Variants in PPFIA2 observed in about 807,000 individuals in gnomAD.
PPFIA2 encodes the protein PPFI scaffold protein A2.
PPFIA2 carries 46 observed loss-of-function variants against 175.5 expected under a neutral mutation model. That is an observed-to-expected ratio of 0.26 (90% CI 0.21 to 0.34). The LOEUF (loss-of-function observed/expected upper bound fraction) is 0.34, where lower values mean the gene tolerates loss of function less well. PPFIA2 is among the 10% of genes least tolerant of loss of function. The pLI is 1.00. For missense variants in PPFIA2, 1,179 were observed against 1,506.1 expected, an observed-to-expected ratio of 0.78 and a Z score of 3.60; for synonymous variants, 568 against 511.4, an observed-to-expected ratio of 1.11 and a Z score of -1.49.
chr12:81,520,469 A>C (rs1213288877), intron 4 of PPFIA2, among the ~76,000 whole-genome samples: 1 of 152,232 alleles, frequency 6.6e-6, no homozygotes, highest in African/African-American at 2.4e-5. Context: ...AAGTGAAACT[A>C]TGAATATGTG....
intron 4 of PPFIA2, chr12:81,675,388 C>G (rs115746906): frequency 6.6e-6 from 1 of 151,946 alleles, no homozygotes; most frequent in East Asian, 1.9e-4. Flanking sequence ...GCCACATACC[C>G]ATTCAATCTT....
At chr12:81,699,233 T>C (rs2076228687) in intron 3 of PPFIA2, among the ~76,000 whole-genome samples, 1 of 152,078 alleles carries the variant, frequency 6.6e-6, no homozygotes, top group African/African-American at 2.4e-5. Context: ...TAATGGTGAC[T>C]TAAAATTGAT....
intron 18 of PPFIA2, among the ~76,000 whole-genome samples, chr12:81,346,226 G>C (rs1179267396): frequency 6.6e-6 from 1 of 151,876 alleles, no homozygotes; most frequent in Non-Finnish European, 1.5e-5. Context: ...TATATTTCTA[G>C]GTAATGACTG....
chr12:81,743,597 A>C (rs1273273409), intron 3 of PPFIA2, among the ~76,000 whole-genome samples: 2 of 151,910 alleles, frequency 1.3e-5, no homozygotes, highest in African/African-American at 4.8e-5. Context: ...CCAATTCATA[A>C]TGTAGGAAAA....
chr12:81,334,509 TCTC>T (rs1243881409), intron 21 of PPFIA2, among the ~76,000 whole-genome samples: 1 of 150,236 alleles, frequency 6.7e-6, no homozygotes, highest in Non-Finnish European at 1.5e-5. Flanking sequence ...AAAAAATAAA[TCTC>T]CTCAACTCTG....
At chr12:81,405,727 C>T (rs1204278310) in intron 8 of PPFIA2, 60 bp downstream of exon 8, 3 of 969,232 alleles carry the variant, frequency 3.1e-6, no homozygotes, top group Non-Finnish European at 4.5e-6. Flanking sequence ...TTTTATATTT[C>T]CTGTCAAATG....
intron 21 of PPFIA2, among the ~76,000 whole-genome samples, chr12:81,328,021 T>G (rs766216862): frequency 6.6e-6 from 1 of 152,192 alleles, no homozygotes; most frequent in Non-Finnish European, 1.5e-5. Flanking sequence ...TTCAGGCCAG[T>G]GCGCTTAACC....
chr12:81,726,279 A>G (rs970110873), intron 3 of PPFIA2, among the ~76,000 whole-genome samples: 1 of 151,236 alleles, frequency 6.6e-6, no homozygotes, highest in South Asian at 2.1e-4. Flanking sequence ...GTTCTCAAAT[A>G]GATTATTTCT....
chr12:81,423,269 C>A (rs571773846), intron 7 of PPFIA2, among the ~76,000 whole-genome samples: 1 of 152,110 alleles, frequency 6.6e-6, no homozygotes, highest in African/African-American at 2.4e-5. Flanking sequence ...GTCAGGATCC[C>A]CTAATTCCAA....
chr12:81,581,341 T>C (rs2074372684), intron 4 of PPFIA2, among the ~76,000 whole-genome samples: 1 of 151,630 alleles, frequency 6.6e-6, no homozygotes, highest in African/African-American at 2.4e-5. Flanking sequence ...CTGCCTTGAG[T>C]AGAGGGCTGT....
At chr12:81,531,490 T>C (rs1227266552) in intron 4 of PPFIA2, among the ~76,000 whole-genome samples, 1 of 151,506 alleles carries the variant, frequency 6.6e-6, no homozygotes, top group Non-Finnish European at 1.5e-5. Context: ...GAATGCTGAA[T>C]AAAAATGAAG....
chr12:81,494,906 G>T (rs1217842965), intron 4 of PPFIA2, among the ~76,000 whole-genome samples: 1 of 132,294 alleles, frequency 7.6e-6, no homozygotes, highest in African/African-American at 2.9e-5. Context: ...AGAACACATA[G>T]ACACAGGAAG....
chr12:81,344,774 G>A (rs763883415), intron 18 of PPFIA2, 81 bp from the exon 19 acceptor site: 21 of 1,013,156 alleles, frequency 2.1e-5, no homozygotes, highest in Non-Finnish European at 3.1e-5. Flanking sequence ...ATTTTAAATA[G>A]TGTCTACAAC....
At chr12:81,586,746 C>T (rs2075355475) in intron 4 of PPFIA2, among the ~76,000 whole-genome samples, 1 of 151,686 alleles carries the variant, frequency 6.6e-6, no homozygotes, top group African/African-American at 2.4e-5. Context: ...CTTGACAAGT[C>T]AATATATTTT....
intron 4 of PPFIA2, among the ~76,000 whole-genome samples, chr12:81,476,916 G>T (rs1593599390): frequency 6.6e-6 from 1 of 152,122 alleles, no homozygotes; most frequent in African/African-American, 2.4e-5. Context: ...CAGGGACATG[G>T]ATGAAGCTGG....
At chr12:81,394,466 A>G (rs183235290) in intron 8 of PPFIA2, among the ~76,000 whole-genome samples, 2,206 of 148,642 alleles carry the variant, frequency 0.015, 31 homozygotes, top group Non-Finnish European at 0.016. Flanking sequence ...TCATGCATAC[A>G]AAAAAAAAAT....
In PPFIA2 at chr12:81,560,166, G is replaced by A. The variant is rs372687304; in HGVS notation, c.304-102300C>T. 8.5e-5 allele frequency among the ~76,000 whole-genome samples: 13 copies of A among 152,146 alleles called. No homozygotes were observed. The East Asian group carries it at 1.5e-3, about 18-fold the overall frequency. On this transcript the variant is annotated intron_variant, in intron 4 of 32. Coordinates refer to ENST00000549396, the MANE Select transcript of PPFIA2 (RefSeq NM_003625.5). ...CCAAATGGTACAGATACTAGAGGTA[G>A]TGTGGTAAAGGTGTTTAAAATATTA...
At chr12:81,279,337 C>T (rs1432123151) in intron 27 of PPFIA2, 1 of 152,006 alleles carries the variant, frequency 6.6e-6, no homozygotes, top group Non-Finnish European at 1.5e-5. Flanking sequence ...TTTATGACAC[C>T]CATCTGTGGT....
intron 28 of PPFIA2, among the ~76,000 whole-genome samples, chr12:81,273,346 C>T (rs1167163415): frequency 6.6e-6 from 1 of 152,024 alleles, no homozygotes; most frequent in African/African-American, 2.4e-5. Flanking sequence ...TTCCCTGCTT[C>T]TCTGTTAGAT....
Sources: allele counts gnomAD v4.1 joint callset (sites outside exome capture counted in the v4.1 genomes callset), GRCh38; gene constraint gnomAD v4.1.1; transcripts MANE v1.5; gene names NCBI Gene and HGNC (gene_info 2026-07-23, HGNC 2026-07-21).